The following ARL6IP4 variants were observed in gnomAD, a reference collection of about 807,000 sequenced individuals.
ARL6IP4 encodes the protein ARF like GTPase 6 interacting protein 4.
ARL6IP4 carries 24 observed loss-of-function variants against 28.1 expected under a neutral mutation model. That is an observed-to-expected ratio of 0.86 (90% confidence interval 0.62 to 1.20). The LOEUF is 1.20. ARL6IP4 is among the 50% of genes most tolerant of loss of function. The pLI is 0.00. For synonymous variants in ARL6IP4, 162 were observed against 122.3 expected (o/e 1.32, Z -2.14); for missense variants, 343 against 302.4 (o/e 1.13, Z -1.00).
At chr12:122,980,484 G>C, upstream of ARL6IP4, 2 of 1,364,792 alleles carry the variant, frequency 1.5e-6, no homozygotes, top group Non-Finnish European at 1.9e-6. Flanking sequence ...GGCGTGCGCC[G>C]AGAGGGCAGC....
chr12:122,982,250 G>A (rs2037713691), intron 4 of ARL6IP4, 176 bp downstream of exon 4: 3 of 836,676 alleles, frequency 3.6e-6, no homozygotes, highest in African/African-American at 1.7e-5. Context: ...GCCTGGAGGA[G>A]GCTCTTGAAA....
At position 122,982,557 on chromosome 12, in the gene ARL6IP4, C is replaced by A. The variant is rs752099899; in HGVS notation, c.657+19C>A. On this transcript the variant is annotated intron_variant, in intron 5 of 5. Transcript: ENST00000315580. ...CAACAAGGTGGGTGTGGCCCCTCTG[C>A]CTGCCATCCGCCCCCAGCTCTGTTT... 6.2e-7 allele frequency: 1 copy of A among 1,614,048 alleles called. No homozygotes were observed. The highest frequency in any genetic ancestry group is 8.5e-7 in the Non-Finnish European group (1 of 1,180,014).
Position 122,981,731 on chromosome 12 carries a change from C to A in ARL6IP4, c.321C>A (p.Tyr107Ter), listed in dbSNP as rs1479226251. 2 of 1,553,458 alleles carry A rather than the reference C, an allele frequency of 1.3e-6. No individual in the cohort carries two copies. The highest frequency in any genetic ancestry group is 1.7e-6 in the Non-Finnish European group (2 of 1,148,026). Residue 107 changes from tyrosine to a stop codon, truncating the protein, a stop_gained, in exon 3 of 6, where the codon TAC becomes TAA. Transcript: ENST00000315580. LOFTEE classifies it high-confidence loss of function. ...ATGGCCGGAAGAAGCGGGGGAAGTA[C>A]AAGGACAAGAGGAGGAAGAAGAAGA... ...SSDGRKKRGK[Y>*]KDKRRKKKKK...
chr12:122,981,547 CCT>C (rs1465677612), intron 2 of ARL6IP4, 22 bp from the exon 3 acceptor site: 1 of 1,521,122 alleles, frequency 6.6e-7, no homozygotes, highest in African/African-American at 1.4e-5. Context: ...CGAAGGTTTA[CCT>C]CTTCCCCTCC....
In ARL6IP4 at chr12:122,981,735, G is replaced by C; in HGVS notation, c.325G>C (p.Asp109His). ...DGRKKRGKYK[D>H]KRRKKKKKRK... is the part of the protein sequence containing the mutation. ...CCGGAAGAAGCGGGGGAAGTACAAG[G>C]ACAAGAGGAGGAAGAAGAAGAAGAA... The change falls in exon 3 of 6, where the codon GAC becomes CAC. Residue 109 changes from aspartate (D) to histidine (H), a missense_variant. Coordinates refer to ENST00000315580, the MANE Select transcript of ARL6IP4 (RefSeq NM_018694.4). 6.4e-7 allele frequency: 1 copy of C among 1,553,902 alleles called. No homozygotes were observed. Among genetic ancestry groups the C allele is most frequent in the Non-Finnish European group, 8.7e-7 (1 of 1,148,304 alleles).
chr12:122,981,725 G>T lies in ARL6IP4; in HGVS notation c.315G>T (p.Gly105=). The change falls in exon 3 of 6, where the codon GGG becomes GGT. Residue 105 remains glycine (G), a synonymous_variant. Coordinates refer to ENST00000315580, the MANE Select transcript of ARL6IP4 (RefSeq NM_018694.4). ...SSSSDGRKKR[G]KYKDKRRKKK... ...CCAGTGATGGCCGGAAGAAGCGGGG[G>T]AAGTACAAGGACAAGAGGAGGAAGA... The T allele has an allele frequency of 6.4e-7, 1 of 1,553,206 alleles. No homozygotes were observed. Among genetic ancestry groups the T allele is most frequent in the Non-Finnish European group, 8.7e-7 (1 of 1,147,862 alleles).
intron 1 of ARL6IP4, 78 bp from the exon 2 acceptor site, chr12:122,981,051 C>T (rs1209538814): frequency 2.1e-6 from 3 of 1,451,622 alleles, no homozygotes; most frequent in East Asian, 5.4e-5. Context: ...AGGCCCCGGC[C>T]CCGCTAGAGC....
At chr12:122,980,366 TCA>T (rs757636429), upstream of ARL6IP4, 93 of 1,317,618 alleles carry the variant, frequency 7.1e-5, no homozygotes, top group Middle Eastern at 3.4e-3. Flanking sequence ...CCAGGGCGCC[TCA>T]GTCTGGAGCT....
chr12:122,982,449 GGAGACCCTCCCA>G lies in ARL6IP4; in HGVS notation c.588-19_588-8del, dbSNP rs1175931992. 5 of 1,604,062 alleles carry G rather than the reference GGAGACCCTCCCA, an allele frequency of 3.1e-6. No individual in the cohort carries two copies. Among genetic ancestry groups the G allele is most frequent in the Non-Finnish European group, 4.3e-6 (5 of 1,174,358 alleles). Reference sequence around the variant, plus strand: ...GGGACCTGCCTATTCCTTGCTGAACGGAGACCCTCCCACCCCCAGGCTTATTAAGGGAGATGG... The same window carrying G: ...GGGACCTGCCTATTCCTTGCTGAACGCCCCCAGGCTTATTAAGGGAGATGG... On this transcript the variant is annotated splice_region_variant and splice_polypyrimidine_tract_variant and intron_variant, in intron 4 of 5. Transcript: ENST00000315580.
At chr12:122,981,433 C>T (rs1427022716) in intron 2 of ARL6IP4, 134 bp downstream of exon 2, 1 of 1,382,984 alleles carries the variant, frequency 7.2e-7, no homozygotes, top group Non-Finnish European at 9.5e-7. Flanking sequence ...CCGCAGGAGC[C>T]AGGAAGGGGC....
At chr12:122,982,284 G>T in intron 4 of ARL6IP4, 185 bp from the exon 5 acceptor site, 2 of 809,092 alleles carry the variant, frequency 2.5e-6, no homozygotes, top group South Asian at 1.7e-5. Flanking sequence ...CCGGGCTGAG[G>T]CTGGCAAGGC....
chr12:122,981,823 C>T lies in ARL6IP4; in HGVS notation c.413C>T (p.Pro138Leu), dbSNP rs760355977. ...KAEAQQVEAL[P>L]GPSLDQWHRS... ...GAAGCACAGCAGGTGGAGGCTCTGCCGGGCCCCTCGCTGGACCAGTGGCAC... is the reference window on the plus strand; with the variant it reads ...GAAGCACAGCAGGTGGAGGCTCTGCTGGGCCCCTCGCTGGACCAGTGGCAC... The change falls in exon 3 of 6, where the codon CCG (proline) becomes CTG (leucine). Residue 138 changes from proline to leucine, a missense_variant. Pro to Leu is a moderately conservative substitution (Grantham distance 98). Transcript: ENST00000315580. 14 of 1,607,634 alleles carry T rather than the reference C, an allele frequency of 8.7e-6. No homozygotes were observed. The highest frequency in any genetic ancestry group is 6.8e-6 in the Non-Finnish European group (8 of 1,177,076).
rs1318545225 is a variant in ARL6IP4 at position 122,981,097 on chromosome 12, C to T, written c.-11-32C>T. The T allele has an allele frequency of 8.4e-6, 13 of 1,541,256 alleles. No homozygotes were observed. The Admixed American group carries it at 2.6e-4, about 31-fold the overall frequency. On this transcript the variant is annotated intron_variant, in intron 1 of 5. Transcript: ENST00000315580. ...GCCCGCCCGCGGCCGGCCTTGGGGG[C>T]TTCGGCTCAAGCGCGTCTTCTTCGT...
In ARL6IP4 at chr12:122,981,250, G is replaced by T. The variant is rs1295280006; in HGVS notation, c.111G>T (p.Ser37=). The T allele has an allele frequency of 3.9e-6, 6 of 1,549,782 alleles. No individual in the cohort carries two copies. ...KSRKDTSRNC[S]ASTSQGRKAS... ...GGAAAGACACCTCGAGGAACTGCTC[G>T]GCCTCCACATCCCAAGGTCGCAAGG... The change falls in exon 2 of 6, where the codon TCG becomes TCT. Residue 37 remains serine (S), a synonymous_variant. Coordinates refer to ENST00000315580, the MANE Select transcript of ARL6IP4 (RefSeq NM_018694.4).
At chr12:122,980,250 C>A, upstream of ARL6IP4, 3 of 1,236,656 alleles carry the variant, frequency 2.4e-6, no homozygotes, top group Non-Finnish European at 3.0e-6. Context: ...TGGCTTCCTT[C>A]CGGATGGGCC....
At chr12:122,980,875 G>A (rs2037614515) in intron 1 of ARL6IP4, 130 bp downstream of exon 1, 9 of 1,350,976 alleles carry the variant, frequency 6.7e-6, no homozygotes, top group South Asian at 3.9e-5. Context: ...AGTTCCCAGG[G>A]GTTTGGAGCC....
chr12:122,980,836 C>A, intron 1 of ARL6IP4, 91 bp downstream of exon 1: 5 of 1,332,306 alleles, frequency 3.8e-6, no homozygotes, highest in Non-Finnish European at 4.8e-6. Context: ...GGAAAGCGCC[C>A]CAGACGCCAC....
chr12:122,981,848 C>T lies in ARL6IP4; in HGVS notation c.438C>T (p.His146=), dbSNP rs765102848. 1.2e-6 allele frequency: 2 copies of T among 1,610,632 alleles called. No individual in the cohort carries two copies. The highest frequency in any genetic ancestry group is 2.2e-5 in the South Asian group (2 of 90,724). ...CGGGCCCCTCGCTGGACCAGTGGCACCGATCAGCTGGGGAGGAAGAGGATG... is the reference window on the plus strand; with the variant it reads ...CGGGCCCCTCGCTGGACCAGTGGCATCGATCAGCTGGGGAGGAAGAGGATG... The part of the protein sequence containing the change: ...ALPGPSLDQW[H]RSAGEEEDGP... The change falls in exon 3 of 6, where the codon CAC becomes CAT. Residue 146 remains histidine (H), a synonymous_variant. Coordinates refer to ENST00000315580, the MANE Select transcript of ARL6IP4 (RefSeq NM_018694.4).
At chr12:122,980,659 G>A (rs2037600798), upstream of ARL6IP4, 2 of 1,380,216 alleles carry the variant, frequency 1.4e-6, no homozygotes, top group Admixed American at 3.3e-5. Flanking sequence ...CCAGCCTCCC[G>A]CGCAGCGCCC....
Sources: gnomAD v4.1 joint callset for allele counts on GRCh38, gnomAD v4.1.1 for gene constraint, MANE v1.5 for transcripts, NCBI Gene and HGNC (gene_info 2026-07-23, HGNC 2026-07-21) for gene names.